Variants in SNTG1 observed in about 807,000 individuals in gnomAD.
SNTG1 encodes syntrophin gamma 1, also known as gamma-1-syntrophin.
Under a neutral mutation model 74.7 loss-of-function variants are expected in SNTG1, and 39 were observed. The ratio of observed to expected loss-of-function variants is 0.52; its 90% confidence interval spans 0.40 to 0.68. The LOEUF is 0.68. Ranked by LOEUF, SNTG1 falls within the 30% of genes least tolerant of loss-of-function variation. The pLI is 0.00. For missense variants in SNTG1, 685 were observed against 609.5 expected (o/e 1.12, Z -1.30); for synonymous variants, 254 against 217.1 (o/e 1.17, Z -1.49).
At chr8:50,234,390 A>G (rs115651945) in intron 2 of SNTG1, among the ~76,000 whole-genome samples, 2,302 of 151,926 alleles carry the variant, frequency 0.015, 44 homozygotes, top group African/African-American at 0.043. Flanking sequence ...GTGTGTGTGT[A>G]ACTATAAAGG....
intron 12 of SNTG1, among the ~76,000 whole-genome samples, chr8:50,578,527 G>C (rs543163783): frequency 1.1e-4 from 17 of 152,240 alleles, no homozygotes; most frequent in African/African-American, 4.1e-4. Context: ...GATATGATTT[G>C]GCCGTGTGCC....
chr8:50,627,857 G>T (rs915973768), intron 13 of SNTG1, among the ~76,000 whole-genome samples: 11 of 152,178 alleles, frequency 7.2e-5, no homozygotes, highest in African/African-American at 2.4e-4. Context: ...CAGCTATCTG[G>T]AAGCCTTTAT....
rs144288907 is a variant in SNTG1 at position 50,636,164 on chromosome 8, A to T, written c.850-20745A>T. ...GAGCTGGTATCCAAGTTGCAAGACAAAGTCCTCTTTACTCTCCCCTCTCCT... is the reference window on the plus strand; with the variant it reads ...GAGCTGGTATCCAAGTTGCAAGACATAGTCCTCTTTACTCTCCCCTCTCCT... On this transcript the variant is annotated intron_variant, in intron 13 of 18. Coordinates refer to ENST00000642720, the MANE Select transcript of SNTG1 (RefSeq NM_018967.5). Among the ~76,000 whole-genome samples, 106 of 151,148 alleles carry T rather than the reference A, an allele frequency of 7.0e-4. 2 individuals carry two copies. The highest frequency in any genetic ancestry group is 1.9e-3 in the African/African-American group (79 of 41,186).
At chr8:50,600,482 G>T in intron 13 of SNTG1, among the ~76,000 whole-genome samples, 1 of 59,180 alleles carries the variant, frequency 1.7e-5, no homozygotes, top group Admixed American at 1.8e-4. Context: ...TGATTGGTAT[G>T]GTTTGGTATT....
At chr8:50,750,924 G>A (rs558386489) in intron 17 of SNTG1, among the ~76,000 whole-genome samples, 21 of 151,882 alleles carry the variant, frequency 1.4e-4, no homozygotes, top group African/African-American at 3.1e-4. Flanking sequence ...AGGTATGCCC[G>A]TATATGCTTT....
chr8:50,596,589 T>A (rs901986408), intron 13 of SNTG1, among the ~76,000 whole-genome samples: 1 of 152,058 alleles, frequency 6.6e-6, no homozygotes, highest in Non-Finnish European at 1.5e-5. Flanking sequence ...TACAAATTGA[T>A]CACATACATG....
At chr8:50,715,014 C>T (rs7812344) in intron 17 of SNTG1, among the ~76,000 whole-genome samples, 50,883 of 151,962 alleles carry the variant, frequency 0.33, 11,090 homozygotes, top group African/African-American at 0.62. Flanking sequence ...TTTTTGTTTT[C>T]GCTTTACAAA....
chr8:50,148,202 T>C (rs1316388406), intron 1 of SNTG1, among the ~76,000 whole-genome samples: 1 of 152,074 alleles, frequency 6.6e-6, no homozygotes, highest in African/African-American at 2.4e-5. Flanking sequence ...TATGAATTCA[T>C]ACTGGTATAA....
intron 17 of SNTG1, among the ~76,000 whole-genome samples, chr8:50,726,825 G>T (rs1042130811): frequency 6.6e-6 from 1 of 152,050 alleles, no homozygotes; most frequent in Non-Finnish European, 1.5e-5. Context: ...CTACAGCCCA[G>T]GCGACAGAGT....
chr8:50,138,919 T>A (rs2081569843), intron 1 of SNTG1, among the ~76,000 whole-genome samples: 1 of 152,150 alleles, frequency 6.6e-6, no homozygotes, highest in South Asian at 2.1e-4. Flanking sequence ...TTATAAAATT[T>A]AAATTTTATG....
intron 2 of SNTG1, among the ~76,000 whole-genome samples, chr8:50,305,522 TTATGTGTG>T (rs1363344352): frequency 1.7e-5 from 1 of 59,082 alleles, no homozygotes; most frequent in Non-Finnish European, 3.2e-5. Flanking sequence ...TTGTTTGTGC[TTATGTGTG>T]TGTGTGTGTG....
intron 8 of SNTG1, among the ~76,000 whole-genome samples, chr8:50,452,634 A>G (rs1375791055): frequency 6.6e-6 from 1 of 152,222 alleles, no homozygotes. Flanking sequence ...AATGGTTCTC[A>G]TTCTGTTATA....
chr8:50,338,008 C>T (rs1017007945), intron 2 of SNTG1, among the ~76,000 whole-genome samples: 11 of 151,860 alleles, frequency 7.2e-5, no homozygotes, highest in Middle Eastern at 3.4e-3. Flanking sequence ...TGGTGGCGGG[C>T]GCCTGTAGTC....
chr8:50,207,395 T>C (rs1019766575), intron 2 of SNTG1, among the ~76,000 whole-genome samples: 1 of 152,226 alleles, frequency 6.6e-6, no homozygotes, highest in Non-Finnish European at 1.5e-5. Flanking sequence ...TGTATTTCTA[T>C]GGGATTGGAG....
chr8:50,097,375 A>C (rs13272301), intron 1 of SNTG1, among the ~76,000 whole-genome samples: 1 of 152,236 alleles, frequency 6.6e-6, no homozygotes, highest in Non-Finnish European at 1.5e-5. Flanking sequence ...GCTTTAAAAA[A>C]AATTAAAATG....
Position 50,403,157 on chromosome 8 carries a change from C to A in SNTG1, c.162+813C>A, listed in dbSNP as rs181083750. ...ATTACAGACAGTAGCATGTAGTCTG[C>A]TCCCTGCTTTCCCCAAACATCTGCA... On this transcript the variant is annotated intron_variant, in intron 4 of 18. Coordinates refer to ENST00000642720, the MANE Select transcript of SNTG1 (RefSeq NM_018967.5). Among the ~76,000 whole-genome samples, 280 of 152,298 alleles carry A rather than the reference C, an allele frequency of 1.8e-3. 1 individual carries two copies. The highest frequency in any genetic ancestry group is 6.2e-3 in the African/African-American group (256 of 41,574).
intron 13 of SNTG1, among the ~76,000 whole-genome samples, chr8:50,616,756 C>T (rs906410821): frequency 1.3e-5 from 2 of 152,184 alleles, no homozygotes; most frequent in African/African-American, 4.8e-5. Context: ...GAACATATTA[C>T]AGAAAATGCA....
chr8:50,644,695 T>G (rs1038463625), intron 13 of SNTG1, among the ~76,000 whole-genome samples: 1 of 152,120 alleles, frequency 6.6e-6, no homozygotes, highest in Non-Finnish European at 1.5e-5. Flanking sequence ...TGTCCCAAAC[T>G]CCTGTGTTGT....
intron 18 of SNTG1, among the ~76,000 whole-genome samples, chr8:50,780,548 T>C (rs2095655995): frequency 6.6e-6 from 1 of 152,218 alleles, no homozygotes; most frequent in African/African-American, 2.4e-5. Flanking sequence ...TTGGTGGTGA[T>C]ATCCCCTTTA....
Sources: gnomAD v4.1 joint callset for allele counts (sites outside exome capture counted in the v4.1 genomes callset) on GRCh38, gnomAD v4.1.1 for gene constraint, MANE v1.5 for transcripts, NCBI Gene and HGNC (gene_info 2026-07-23, HGNC 2026-07-21) for gene names.